Variants in TRIM9 observed in about 807,000 individuals in gnomAD.
TRIM9 encodes the protein tripartite motif containing 9.
TRIM9 carries 26 observed loss-of-function variants against 78.3 expected under a neutral mutation model. The observed-to-expected ratio is 0.33, with a 90% CI of 0.24 to 0.46. The LOEUF (loss-of-function observed/expected upper bound fraction) is 0.46. Among genes scored for constraint, TRIM9 ranks in the 20% least tolerant of loss-of-function variants. TRIM9 has a pLI of 1.00. For synonymous variants in TRIM9, 398 were observed against 416.5 expected (o/e 0.96, Z 0.54); for missense variants, 787 against 1,036.4 (o/e 0.76, Z 3.30).
intron 1 of TRIM9, among the ~76,000 whole-genome samples, chr14:51,080,138 A>AT (rs969316971): frequency 9.6e-4 from 145 of 151,162 alleles, no homozygotes; most frequent in African/African-American, 3.3e-3. Flanking sequence ...AACATCAACA[A>AT]TTTTTTTTTC....
At chr14:51,027,331 A>G (rs1296986367) in intron 1 of TRIM9, among the ~76,000 whole-genome samples, 1 of 151,858 alleles carries the variant, frequency 6.6e-6, no homozygotes, top group Non-Finnish European at 1.5e-5. Context: ...TTTAGTAGAG[A>G]TGGGGTTTCT....
At chr14:51,086,884 T>C (rs2063803522) in intron 1 of TRIM9, among the ~76,000 whole-genome samples, 1 of 152,208 alleles carries the variant, frequency 6.6e-6, no homozygotes, top group Non-Finnish European at 1.5e-5. Flanking sequence ...TAAATGATGT[T>C]TATTTATTCA....
intron 1 of TRIM9, among the ~76,000 whole-genome samples, chr14:51,028,692 T>A (rs2058466285): frequency 6.6e-6 from 1 of 152,192 alleles, no homozygotes; most frequent in African/African-American, 2.4e-5. Context: ...ATTTCTTGGA[T>A]ATTTGTTTTC....
At chr14:51,084,651 G>A (rs1055295665) in intron 1 of TRIM9, among the ~76,000 whole-genome samples, 1 of 152,180 alleles carries the variant, frequency 6.6e-6, no homozygotes, top group African/African-American at 2.4e-5. Context: ...TGTGACTAAT[G>A]CTCTTGGGAT....
intron 1 of TRIM9, among the ~76,000 whole-genome samples, chr14:51,036,721 C>T (rs2059186315): frequency 6.6e-6 from 1 of 152,140 alleles, no homozygotes; most frequent in South Asian, 2.1e-4. Flanking sequence ...TCTATTTACG[C>T]AGAACCCATG....
At chr14:51,060,974 T>C (rs2061309041) in intron 1 of TRIM9, among the ~76,000 whole-genome samples, 1 of 152,270 alleles carries the variant, frequency 6.6e-6, no homozygotes, top group African/African-American at 2.4e-5. Context: ...TTTTTCATTT[T>C]AATAAGTTAT....
chr14:51,009,323 C>G, intron 4 of TRIM9, 90 bp from the exon 5 acceptor site: 9 of 1,521,382 alleles, frequency 5.9e-6, no homozygotes, highest in Non-Finnish European at 8.0e-6. Flanking sequence ...AGCATTACTC[C>G]CAAACTGCCT....
At chr14:50,999,334 G>A (rs148688971) in intron 6 of TRIM9, among the ~76,000 whole-genome samples, 51 of 152,020 alleles carry the variant, frequency 3.4e-4, no homozygotes, top group African/African-American at 1.1e-3. Context: ...TCAGGAATGA[G>A]AAACTGACAA....
chr14:51,066,179 C>T (rs988443840), intron 1 of TRIM9, among the ~76,000 whole-genome samples: 1 of 151,838 alleles, frequency 6.6e-6, no homozygotes, highest in Admixed American at 6.6e-5. Flanking sequence ...AGTTACTGCC[C>T]CATTTCTGTG....
intron 2 of TRIM9, among the ~76,000 whole-genome samples, chr14:51,024,449 T>C (rs1326746471): frequency 6.6e-6 from 1 of 152,226 alleles, no homozygotes; most frequent in Non-Finnish European, 1.5e-5. Context: ...CATTTCTACC[T>C]TGACATGGTT....
chr14:51,085,260 C>T (rs1280941182), intron 1 of TRIM9, among the ~76,000 whole-genome samples: 2 of 152,188 alleles, frequency 1.3e-5, no homozygotes, highest in East Asian at 1.9e-4. Flanking sequence ...AATAAATCAG[C>T]GGTGGATGAG....
chr14:51,080,964 T>C (rs905940821), intron 1 of TRIM9, among the ~76,000 whole-genome samples: 2 of 152,224 alleles, frequency 1.3e-5, no homozygotes, highest in African/African-American at 4.8e-5. Flanking sequence ...TTGGCTTATT[T>C]TGAGATATGA....
chr14:51,074,416 A>T (rs2062574461), intron 1 of TRIM9, among the ~76,000 whole-genome samples: 1 of 152,204 alleles, frequency 6.6e-6, no homozygotes, highest in South Asian at 2.1e-4. Flanking sequence ...TTTAGCACCA[A>T]ACTGGCTCTT....
chr14:51,001,597 C>T (rs772869790), intron 5 of TRIM9, among the ~76,000 whole-genome samples: 95 of 152,268 alleles, frequency 6.2e-4, no homozygotes, highest in Non-Finnish European at 1.1e-3. Context: ...CCAGAGACTG[C>T]CTATTCTGAG....
At position 51,094,647 on chromosome 14, in the gene TRIM9, C is replaced by A. The variant is rs1245856638; in HGVS notation, c.293G>T (p.Gly98Val). Residue 98 changes from glycine (G) to valine (V), a missense_variant, in exon 1 of 13, where the codon GGC becomes GTC. Gly to Val is a moderately radical substitution (Grantham distance 109). This residue lies in a region of TRIM9 where 352 missense variants were observed against 472.3 expected (regional missense o/e 0.75). Transcript: ENST00000684578. ...PTTPCQKSPN[G>V]VRVFPPAMPP... ...CATAGCCGGGGGAAACACGCGGACG[C>A]CGTTGGGGGACTTCTGGCACGGGGT... is the stretch of plus-strand genomic sequence containing the variant. 1 of 1,603,306 alleles carries A rather than the reference C, an allele frequency of 6.2e-7. No individual in the cohort carries two copies. Among genetic ancestry groups the A allele is most frequent in the East Asian group, 2.2e-5 (1 of 44,702 alleles).
chr14:51,090,074 A>G (rs532369143), intron 1 of TRIM9: 18 of 152,324 alleles, frequency 1.2e-4, no homozygotes, highest in Non-Finnish European at 2.4e-4. Flanking sequence ...ATCTCCTGTT[A>G]TCTAGTTCTT....
At chr14:51,024,888 C>T (rs767115993) in intron 2 of TRIM9, among the ~76,000 whole-genome samples, 1 of 152,064 alleles carries the variant, frequency 6.6e-6, no homozygotes, top group African/African-American at 2.4e-5. Context: ...GGCCTGTTAC[C>T]ATTAAATGAT....
chr14:51,068,598 G>A (rs1261909742), intron 1 of TRIM9, among the ~76,000 whole-genome samples: 1 of 152,194 alleles, frequency 6.6e-6, no homozygotes, highest in Non-Finnish European at 1.5e-5. Context: ...GCTCAGAAAG[G>A]TTAAGGAACT....
At chr14:51,018,546 T>G (rs1219863397) in intron 3 of TRIM9, among the ~76,000 whole-genome samples, 1 of 152,156 alleles carries the variant, frequency 6.6e-6, no homozygotes. Flanking sequence ...TAACAGGCAA[T>G]ACATGGTAAA....
Sources: allele counts gnomAD v4.1 joint callset (sites outside exome capture counted in the v4.1 genomes callset), GRCh38; gene constraint gnomAD v4.1.1; regional missense constraint gnomAD v4.1.1; transcripts MANE v1.5; gene names NCBI Gene and HGNC (gene_info 2026-07-23, HGNC 2026-07-21).